The following POLR1F variants were observed in gnomAD, a reference collection of about 807,000 sequenced individuals.
The protein encoded by POLR1F is RNA polymerase I subunit F.
Under a neutral mutation model 21.8 loss-of-function variants are expected in POLR1F, and 23 were observed. The observed-to-expected ratio is 1.05, with a 90% CI of 0.76 to 1.49. POLR1F has a LOEUF of 1.49. Ranked by LOEUF, POLR1F falls within the 40% of genes most tolerant of loss-of-function variation. The pLI is 0.00. For synonymous variants in POLR1F, 162 were observed against 152.8 expected (o/e 1.06, Z -0.45); for missense variants, 435 against 412.1 (o/e 1.06, Z -0.48).
At chr7:19,707,829 T>C (rs900613072) in intron 1 of POLR1F, among the ~76,000 whole-genome samples, 2 of 152,194 alleles carry the variant, frequency 1.3e-5, no homozygotes, top group Admixed American at 6.5e-5. Context: ...GAAGTGTATA[T>C]TGGTGCTTGG....
intron 2 of POLR1F, among the ~76,000 whole-genome samples, chr7:19,703,328 GAA>G (rs1783468862): frequency 6.6e-6 from 1 of 152,176 alleles, no homozygotes; most frequent in African/African-American, 2.4e-5. Flanking sequence ...ATTGGGCCAG[GAA>G]AGGGCATGAA....
intron 1 of POLR1F, among the ~76,000 whole-genome samples, chr7:19,706,749 A>C (rs1472593657): frequency 6.6e-6 from 1 of 152,204 alleles, no homozygotes; most frequent in African/African-American, 2.4e-5. Flanking sequence ...AAGTCATCAG[A>C]TATGTGAACA....
At chr7:19,704,087 T>C (rs2128006774) in intron 2 of POLR1F, among the ~76,000 whole-genome samples, 1 of 152,320 alleles carries the variant, frequency 6.6e-6, no homozygotes, top group South Asian at 2.1e-4. Flanking sequence ...GGTTTTGTCA[T>C]GGTTAAATTG....
In POLR1F at chr7:19,708,988, C is replaced by A. The variant is rs373324285; in HGVS notation, c.29G>T (p.Arg10Leu). MAAGCSEAP[R>L]PAAASDGSLV... Reference sequence around the variant, plus strand: ...AGACCCATCAGAAGCCGCCGCTGGCCGCGGCGCCTCTGAGCAACCTGCAGC... The same window carrying A: ...AGACCCATCAGAAGCCGCCGCTGGCAGCGGCGCCTCTGAGCAACCTGCAGC... The change falls in exon 1 of 4, where the codon CGG becomes CTG. Residue 10 changes from arginine to leucine, a missense_variant. Physicochemically the swap from Arg to Leu is moderately radical, Grantham distance 102. Transcript: ENST00000222567. 1.9e-6 allele frequency: 3 copies of A among 1,594,538 alleles called. No individual in the cohort carries two copies. The highest frequency in any genetic ancestry group is 2.2e-5 in the East Asian group (1 of 44,486).
At chr7:19,702,203 G>A (rs1398068368) in intron 2 of POLR1F, among the ~76,000 whole-genome samples, 1 of 152,088 alleles carries the variant, frequency 6.6e-6, no homozygotes, top group African/African-American at 2.4e-5. Context: ...ACTAATGCAA[G>A]TTAATGTTGA....
In POLR1F at chr7:19,696,787, T is replaced by G. The variant is rs1783370231; in HGVS notation, c.*1529A>C. ...TACCAAGACATATTGATTTCACCAA[T>G]ATAAAAATTGAGATAGTTTACATTT... On this transcript the variant is annotated 3_prime_UTR_variant, in exon 4 of 4. Transcript: ENST00000222567. 2.6e-5 allele frequency: 4 copies of G among 152,208 alleles called. No individual in the cohort carries two copies. In the South Asian group the frequency reaches 8.3e-4, roughly 32 times the overall value. 9.4% of individuals were successfully genotyped at this position (152,208 alleles called of 1,614,324 possible).
In POLR1F at chr7:19,699,656, GAAATT is replaced by G. The variant is rs1783424563; in HGVS notation, c.605+411_605+415del. On this transcript the variant is annotated intron_variant, in intron 3 of 3. Transcript: ENST00000222567. ...AATAATTTCTATACAGAATAATACA[GAAATT>G]AAAATATCTGGCACAGAAGACAATA... is the stretch of plus-strand genomic sequence containing the variant. Among the ~76,000 whole-genome samples the G allele has an allele frequency of 2.6e-5, 4 of 152,190 alleles. No homozygotes were observed. In the South Asian group the frequency reaches 8.3e-4, roughly 32 times the overall value.
intron 2 of POLR1F, among the ~76,000 whole-genome samples, chr7:19,702,929 T>C (rs977720250): frequency 1.3e-5 from 2 of 152,216 alleles, no homozygotes; most frequent in Admixed American, 6.5e-5. Context: ...AGTCTGACAA[T>C]GGTTTTATAT....
intron 2 of POLR1F, among the ~76,000 whole-genome samples, chr7:19,700,915 A>G (rs1245877618): frequency 2.0e-5 from 3 of 152,226 alleles, no homozygotes; most frequent in African/African-American, 7.2e-5. Context: ...AGTATGTGCT[A>G]TATGATTTTA....
At chr7:19,701,092 T>G (rs1562595655) in intron 2 of POLR1F, among the ~76,000 whole-genome samples, 1 of 152,218 alleles carries the variant, frequency 6.6e-6, no homozygotes, top group Non-Finnish European at 1.5e-5. Context: ...TTTACACATG[T>G]GACAGAATAA....
rs1783399966 is a variant in POLR1F, at chr7:19,698,297, G to C, written c.*19C>G. Reference sequence around the variant, plus strand: ...TATGTAGATCGATCTTTTAAAAACTGAATCGTGTTTAAAATACACTAAAGA... The same window carrying C: ...TATGTAGATCGATCTTTTAAAAACTCAATCGTGTTTAAAATACACTAAAGA... On this transcript the variant is annotated 3_prime_UTR_variant, in exon 4 of 4. Transcript: ENST00000222567. 1.3e-6 allele frequency: 2 copies of C among 1,529,174 alleles called. No individual in the cohort carries two copies. Among genetic ancestry groups the C allele is most frequent in the African/African-American group, 1.4e-5 (1 of 71,774 alleles). 94.7% of individuals were successfully genotyped at this position (1,529,174 alleles called of 1,614,324 possible).
intron 2 of POLR1F, among the ~76,000 whole-genome samples, chr7:19,701,510 G>T (rs1000315854): frequency 6.6e-6 from 1 of 152,158 alleles, no homozygotes; most frequent in Non-Finnish European, 1.5e-5. Flanking sequence ...ATATTAAAGG[G>T]AAATATTAGG....
intron 1 of POLR1F, among the ~76,000 whole-genome samples, chr7:19,707,641 A>G (rs1229840147): frequency 6.6e-6 from 1 of 152,142 alleles, no homozygotes; most frequent in African/African-American, 2.4e-5. Context: ...GTTGTTCTCA[A>G]AGGTCCCAAG....
At chr7:19,708,674 G>A in intron 1 of POLR1F, 89 bp downstream of exon 1, 6 of 1,527,996 alleles carry the variant, frequency 3.9e-6, no homozygotes, top group Non-Finnish European at 5.3e-6. Flanking sequence ...TGCGACCTTT[G>A]CCATTTGCCC....
rs944981441 is a variant in POLR1F at position 19,698,717 on chromosome 7, T to C, written c.616A>G (p.Lys206Glu). Residue 206 changes from lysine to glutamate, a missense_variant, in exon 4 of 4, where the codon AAG (lysine) becomes GAG (glutamate). Coordinates refer to ENST00000222567, the MANE Select transcript of POLR1F (RefSeq NM_001002926.2). ...ACTTCTTCAGAAACTTCAGAGCGCTTGAATTGTAAACTATAAATTAACAGT... is the reference window on the plus strand; with the variant it reads ...ACTTCTTCAGAAACTTCAGAGCGCTCGAATTGTAAACTATAAATTAACAGT... Reference protein sequence around the residue: ...GKLNITSLQFKRSEVSEEVTE... With the variant: ...GKLNITSLQFERSEVSEEVTE... 1.3e-6 allele frequency: 2 copies of C among 1,535,508 alleles called. No individual in the cohort carries two copies. The highest frequency in any genetic ancestry group is 2.8e-5 in the African/African-American group (2 of 71,450).
chr7:19,700,082 T>A lies in POLR1F; in HGVS notation c.595A>T (p.Asn199Tyr). ...TAATGATAAACTAACCTTGTGATAT[T>A]TAGTTTTCCCCGAATGCAGAATACT... is the stretch of plus-strand genomic sequence containing the variant. ...AGVFCIRGKL[N>Y]ITSLQFKRSE... is the part of the protein sequence containing the mutation. Residue 199 changes from asparagine to tyrosine, a missense_variant, in exon 3 of 4, where the codon AAT (asparagine) becomes TAT (tyrosine). Transcript: ENST00000222567. 1 of 1,613,534 alleles carries A rather than the reference T, an allele frequency of 6.2e-7. No homozygotes were observed. Among genetic ancestry groups the A allele is most frequent in the Non-Finnish European group, 8.5e-7 (1 of 1,179,502 alleles).
chr7:19,708,951 C>T lies in POLR1F; in HGVS notation c.66G>A (p.Gln22=). The T allele has an allele frequency of 1.2e-6, 2 of 1,612,490 alleles. No individual in the cohort carries two copies. The highest frequency in any genetic ancestry group is 1.7e-6 in the Non-Finnish European group (2 of 1,179,704). ...AAASDGSLVG[Q]AGVLPCLELP... ...ACTCTAGGCAAGGCAGGACGCCAGC[C>T]TGCCCTACCAGAGACCCATCAGAAG... Residue 22 remains glutamine (Q), a synonymous_variant, in exon 1 of 4, where the codon CAG becomes CAA. Coordinates refer to ENST00000222567, the MANE Select transcript of POLR1F (RefSeq NM_001002926.2).
chr7:19,702,747 A>G (rs1783461529), intron 2 of POLR1F, among the ~76,000 whole-genome samples: 1 of 152,216 alleles, frequency 6.6e-6, no homozygotes, highest in Admixed American at 6.5e-5. Flanking sequence ...AAATGGGCAA[A>G]ATACTTGAAC....
At chr7:19,704,580 CATGT>C (rs1376183085) in intron 2 of POLR1F, among the ~76,000 whole-genome samples, 195 bp downstream of exon 2, 14 of 152,078 alleles carry the variant, frequency 9.2e-5, no homozygotes, top group Non-Finnish European at 1.8e-4. Flanking sequence ...ATATCGTGTG[CATGT>C]ATGTGTTTTA....
Sources: gnomAD v4.1 joint callset for allele counts (sites outside exome capture counted in the v4.1 genomes callset) on GRCh38, gnomAD v4.1.1 for gene constraint, MANE v1.5 for transcripts, NCBI Gene and HGNC (gene_info 2026-07-23, HGNC 2026-07-21) for gene names.